The following ATRNL1 variants were observed in gnomAD, a reference collection of about 807,000 sequenced individuals.
The protein encoded by ATRNL1 is attractin like 1, also known as attractin-like protein 1.
ATRNL1 carries 95 observed loss-of-function variants against 182.7 expected under a neutral mutation model. The observed-to-expected ratio is 0.52, with a 90% CI of 0.44 to 0.62. ATRNL1 has a LOEUF of 0.62. ATRNL1 is among the 20% of genes least tolerant of loss of function. The pLI, the probability that ATRNL1 is intolerant of heterozygous loss-of-function variation, is 0.00. For synonymous variants in ATRNL1, 576 were observed against 568.3 expected (o/e 1.01, Z -0.19); for missense variants, 1,471 against 1,679.5 (o/e 0.88, Z 2.17).
At chr10:115,917,478 AAAAAAAAG>A (rs1394307934) in intron 28 of ATRNL1, among the ~76,000 whole-genome samples, 155 of 8,254 alleles carry the variant, frequency 0.019, 1 homozygote, top group African/African-American at 0.021. Context: ...TCAAAAAAAA[AAAAAAAAG>A]AAAAAAAAAA....
intron 28 of ATRNL1, among the ~76,000 whole-genome samples, chr10:115,892,804 T>A (rs1952111976): frequency 6.6e-6 from 1 of 152,230 alleles, no homozygotes. Context: ...AGCCTGCTTA[T>A]GCGCCTGTGT....
At chr10:115,175,763 G>T (rs1362563060) in intron 8 of ATRNL1, among the ~76,000 whole-genome samples, 1 of 152,082 alleles carries the variant, frequency 6.6e-6, no homozygotes, top group Non-Finnish European at 1.5e-5. Flanking sequence ...TTTTGAATTT[G>T]CTGCTTACAT....
At chr10:115,201,004 CT>C (rs1848552646) in intron 8 of ATRNL1, among the ~76,000 whole-genome samples, 1 of 148,826 alleles carries the variant, frequency 6.7e-6, no homozygotes. Context: ...TTTCATGTGT[CT>C]TTTGGCTGCA....
intron 14 of ATRNL1, among the ~76,000 whole-genome samples, chr10:115,284,389 C>T (rs1331058330): frequency 1.3e-5 from 2 of 152,040 alleles, no homozygotes; most frequent in Non-Finnish European, 2.9e-5. Flanking sequence ...TTTAAGAAAA[C>T]GTTTGCATTG....
At chr10:115,616,458 A>G (rs1192543524) in intron 26 of ATRNL1, among the ~76,000 whole-genome samples, 2 of 152,176 alleles carry the variant, frequency 1.3e-5, no homozygotes, top group Non-Finnish European at 2.9e-5. Context: ...GGGGGATTCA[A>G]GTGGACTGCA....
intron 26 of ATRNL1, among the ~76,000 whole-genome samples, chr10:115,573,212 G>A (rs2133866711): frequency 6.6e-6 from 1 of 152,254 alleles, no homozygotes; most frequent in South Asian, 2.1e-4. Flanking sequence ...ATACGGATGG[G>A]GAGCCGGAAG....
chr10:115,654,827 G>A (rs1027061710), intron 26 of ATRNL1, among the ~76,000 whole-genome samples: 3 of 152,120 alleles, frequency 2.0e-5, no homozygotes, highest in African/African-American at 7.2e-5. Flanking sequence ...CCTTGAATCT[G>A]GATGGACTCT....
intron 27 of ATRNL1, among the ~76,000 whole-genome samples, chr10:115,729,175 G>T (rs550741891): frequency 2.6e-4 from 39 of 152,154 alleles, no homozygotes; most frequent in African/African-American, 8.9e-4. Flanking sequence ...ATAATGTATT[G>T]TTAGGTACCC....
chr10:115,266,852 T>C lies in ATRNL1; in HGVS notation c.1828T>C (p.Tyr610His), dbSNP rs1851629270. 6.2e-7 allele frequency: 1 copy of C among 1,612,266 alleles called. No homozygotes were observed. Among genetic ancestry groups the C allele is most frequent in the Non-Finnish European group, 8.5e-7 (1 of 1,178,786 alleles). ...TGTACTCCTTAATGATATCCTTGTA[T>C]ACAAGCCTCCAAATTGCAAGGCTTT... ...SSVLLNDILV[Y>H]KPPNCKAFRD... is the part of the protein sequence containing the mutation. Residue 610 changes from tyrosine (Y) to histidine (H), a missense_variant, in exon 12 of 29, where the codon TAC becomes CAC. Physicochemically the swap from Tyr to His is moderately conservative, Grantham distance 83. Transcript: ENST00000355044.
chr10:115,938,997 T>C (rs1219555654), intron 28 of ATRNL1, among the ~76,000 whole-genome samples: 1 of 152,152 alleles, frequency 6.6e-6, no homozygotes, highest in Non-Finnish European at 1.5e-5. Flanking sequence ...ACTAAAAGAA[T>C]AGATTTTTAA....
At chr10:115,291,050 G>A (rs1334153491) in intron 15 of ATRNL1, among the ~76,000 whole-genome samples, 4 of 152,184 alleles carry the variant, frequency 2.6e-5, no homozygotes, top group East Asian at 3.9e-4. Flanking sequence ...GGCATTCACC[G>A]GTGTAAGCTT....
At chr10:115,173,890 CTT>C (rs768140582) in intron 8 of ATRNL1, among the ~76,000 whole-genome samples, 165 of 148,506 alleles carry the variant, frequency 1.1e-3, no homozygotes, top group Non-Finnish European at 2.1e-3. Flanking sequence ...TTGAATTTTG[CTT>C]TGTGATTCCT....
chr10:115,415,024 T>C (rs1845322741), intron 20 of ATRNL1, among the ~76,000 whole-genome samples: 1 of 152,068 alleles, frequency 6.6e-6, no homozygotes, highest in Non-Finnish European at 1.5e-5. Context: ...TGTAGTTTTA[T>C]AATATTGGAG....
chr10:115,401,272 C>A (rs1484258372), intron 20 of ATRNL1, among the ~76,000 whole-genome samples: 5 of 151,992 alleles, frequency 3.3e-5, no homozygotes, highest in African/African-American at 9.7e-5. Context: ...GATCTACAAA[C>A]TCACTCTGTA....
In ATRNL1 at chr10:115,286,213, T is replaced by A; in HGVS notation, c.2234-3T>A. 1 of 1,496,616 alleles carries A rather than the reference T, an allele frequency of 6.7e-7. No homozygotes were observed. The allele number at this position is 1,496,616 out of a possible 1,614,324, so 92.7% of individuals were successfully genotyped here. ...CAATAAGACACATTTTTTTTCTTACTAGCTCATCTTTGTGGAGAAGGATGG... is the reference window on the plus strand; with the variant it reads ...CAATAAGACACATTTTTTTTCTTACAAGCTCATCTTTGTGGAGAAGGATGG... On this transcript the variant is annotated splice_region_variant and splice_polypyrimidine_tract_variant and intron_variant, in intron 14 of 28. Coordinates refer to ENST00000355044, the MANE Select transcript of ATRNL1 (RefSeq NM_207303.4).
At position 115,642,200 on chromosome 10, in the gene ATRNL1, C is replaced by G. The variant is rs1859295902; in HGVS notation, c.3796-85048C>G. Among the ~76,000 whole-genome samples the G allele has an allele frequency of 2.0e-5, 3 of 152,216 alleles. No homozygotes were observed. In the South Asian group the frequency reaches 6.2e-4, roughly 32 times the overall value. The stretch of plus-strand genomic sequence containing the variant: ...AAAATCAAGGGTATTTCCATATATT[C>G]ACAATGAACAATAAGAAATTGAAAT... On this transcript the variant is annotated intron_variant, in intron 26 of 28. Coordinates refer to ENST00000355044, the MANE Select transcript of ATRNL1 (RefSeq NM_207303.4).
intron 28 of ATRNL1, among the ~76,000 whole-genome samples, chr10:115,877,589 G>C (rs1951728947): frequency 6.6e-6 from 1 of 152,156 alleles, no homozygotes; most frequent in African/African-American, 2.4e-5. Context: ...AAAGTACACT[G>C]ATGTTTAAAT....
intron 27 of ATRNL1, among the ~76,000 whole-genome samples, chr10:115,729,527 G>GTGTGTGTGTA (rs1215381020): frequency 3.3e-5 from 5 of 150,998 alleles, no homozygotes; most frequent in African/African-American, 1.2e-4. Context: ...GTGTGTGTGT[G>GTGTGTGTGTA]TGTGTGTGTT....
chr10:115,294,073 T>G (rs929604356), intron 15 of ATRNL1, among the ~76,000 whole-genome samples: 1 of 152,218 alleles, frequency 6.6e-6, no homozygotes, highest in Non-Finnish European at 1.5e-5. Context: ...CTGTTCTCTT[T>G]TGTAGTTCCT....
Sources: gnomAD v4.1 joint callset for allele counts (sites outside exome capture counted in the v4.1 genomes callset) on GRCh38, gnomAD v4.1.1 for gene constraint, MANE v1.5 for transcripts, NCBI Gene and HGNC (gene_info 2026-07-23, HGNC 2026-07-21) for gene names.